The following CTDSPL variants were observed in gnomAD, a reference collection of about 807,000 sequenced individuals.
CTDSPL encodes CTD small phosphatase-like protein.
Under a neutral mutation model 30.5 loss-of-function variants are expected in CTDSPL, and 8 were observed. The ratio of observed to expected loss-of-function variants is 0.26; its 90% CI spans 0.15 to 0.47. The LOEUF is 0.47. CTDSPL is among the 20% of genes least tolerant of loss of function. The probability of loss-of-function intolerance (pLI) is 0.99; values close to 1 mark genes in which losing one functional copy is unlikely to be tolerated. For missense variants in CTDSPL, 248 were observed against 366.1 expected (o/e 0.68, Z 2.63); for synonymous variants, 110 against 137.9 (o/e 0.80, Z 1.42).
rs868342419 is a variant in CTDSPL, at chr3:37,945,950, G to A, written c.80-1107G>A. Among the ~76,000 whole-genome samples the A allele has an allele frequency of 5.9e-5, 9 of 152,226 alleles. No individual in the cohort carries two copies. In the South Asian group the frequency reaches 6.2e-4, roughly 10 times the overall value. ...GAACTAGGTGTTACACAAATCACTC[G>A]TAAGTGCACAAAAAGAGGAATTGTG... is the stretch of plus-strand genomic sequence containing the variant. On this transcript the variant is annotated intron_variant, in intron 1 of 7. Transcript: ENST00000273179.
intron 1 of CTDSPL, among the ~76,000 whole-genome samples, chr3:37,880,250 A>G (rs1417676193): frequency 6.6e-6 from 1 of 152,006 alleles, no homozygotes; most frequent in Admixed American, 6.6e-5. Flanking sequence ...CTTGCTTGTG[A>G]TGTAGTTATG....
intron 4 of CTDSPL, among the ~76,000 whole-genome samples, chr3:37,966,921 T>C (rs1390972211): frequency 6.6e-6 from 1 of 152,216 alleles, no homozygotes; most frequent in Admixed American, 6.5e-5. Flanking sequence ...CAGTTGGGCC[T>C]GTTCATTTAA....
At chr3:37,915,921 T>C (rs1559632635) in intron 1 of CTDSPL, among the ~76,000 whole-genome samples, 1 of 152,254 alleles carries the variant, frequency 6.6e-6, no homozygotes, top group Non-Finnish European at 1.5e-5. Context: ...GGAGAATTTA[T>C]ACTTGTCTCT....
At position 37,975,301 on chromosome 3, in the gene CTDSPL, A is replaced by G. The variant is rs953168838; in HGVS notation, c.520-408A>G. The stretch of plus-strand genomic sequence containing the variant: ...GACAGTGGAGAGTTTTCAGCAGAGG[A>G]GTGACATGATGGCACATATGTTTTC... On this transcript the variant is annotated intron_variant, in intron 6 of 7. Coordinates refer to ENST00000273179, the MANE Select transcript of CTDSPL (RefSeq NM_001008392.2). This position sits in a 1 kb window ranked among gnomAD's most constrained non-coding sequence, Gnocchi z 4.9. 1.3e-5 allele frequency among the ~76,000 whole-genome samples: 2 copies of G among 152,116 alleles called. No individual in the cohort carries two copies. The highest frequency in any genetic ancestry group is 4.8e-5 in the African/African-American group (2 of 41,420).
intron 1 of CTDSPL, among the ~76,000 whole-genome samples, chr3:37,868,942 T>A (rs1322260801): frequency 6.6e-6 from 1 of 152,114 alleles, no homozygotes; most frequent in Non-Finnish European, 1.5e-5. Context: ...TCTACAAATA[T>A]CTTCCTGAGA....
intron 1 of CTDSPL, among the ~76,000 whole-genome samples, chr3:37,926,872 C>T (rs1023232679): frequency 1.3e-5 from 2 of 152,142 alleles, no homozygotes; most frequent in African/African-American, 4.8e-5. Context: ...GGAAAGATAT[C>T]CCACAGGACG....
intron 6 of CTDSPL, among the ~76,000 whole-genome samples, chr3:37,972,816 A>C (rs1277410961): frequency 6.6e-6 from 1 of 152,238 alleles, no homozygotes; most frequent in Non-Finnish European, 1.5e-5. Context: ...GTAGCACCAC[A>C]GTTGTCTCCA....
chr3:37,980,765 T>G lies in CTDSPL; in HGVS notation c.729T>G (p.Asp243Glu), dbSNP rs1386395542. The change falls in exon 8 of 8, where the codon GAT (aspartate) becomes GAG (glutamate). Residue 243 changes from aspartate to glutamate, a missense_variant. By Grantham distance (45) the Asp-to-Glu change is conservative. Transcript: ENST00000273179. ...ENAVPVQSWF[D>E]DMTDTELLDL... ...AGGTGCCTGTGCAGTCCTGGTTCGA[T>G]GACATGACGGACACGGAGCTGCTGG... is the stretch of plus-strand genomic sequence containing the variant. The G allele has an allele frequency of 6.2e-7, 1 of 1,614,210 alleles. No homozygotes were observed. Among genetic ancestry groups the G allele is most frequent in the Non-Finnish European group, 8.5e-7 (1 of 1,180,016 alleles).
At chr3:37,926,634 T>A (rs1698784685) in intron 1 of CTDSPL, among the ~76,000 whole-genome samples, 1 of 152,356 alleles carries the variant, frequency 6.6e-6, no homozygotes, top group East Asian at 1.9e-4. Context: ...CTTACTACTT[T>A]AACAAATCAT....
chr3:37,949,186 A>G (rs1195090997), intron 2 of CTDSPL, among the ~76,000 whole-genome samples: 2 of 152,210 alleles, frequency 1.3e-5, no homozygotes, highest in Non-Finnish European at 2.9e-5. Flanking sequence ...ATGGAGTGGT[A>G]GGAGGGAGGA....
At chr3:37,979,629 T>G (rs1165185224) in intron 7 of CTDSPL, among the ~76,000 whole-genome samples, 2 of 151,998 alleles carry the variant, frequency 1.3e-5, no homozygotes, top group Non-Finnish European at 2.9e-5. Context: ...CCAAGCGTGG[T>G]GCCACATGCC....
At chr3:37,944,643 A>C (rs549814624) in intron 1 of CTDSPL, 8 of 150,420 alleles carry the variant, frequency 5.3e-5, no homozygotes, top group African/African-American at 1.9e-4. Context: ...GTTCTAGACC[A>C]ATCCAAGAGT....
At chr3:37,883,919 A>T (rs1365850576) in intron 1 of CTDSPL, among the ~76,000 whole-genome samples, 1 of 152,212 alleles carries the variant, frequency 6.6e-6, no homozygotes, top group Non-Finnish European at 1.5e-5. Flanking sequence ...TAGAATCTAT[A>T]ACAGTGTCTT....
chr3:37,935,336 G>C (rs1299791322), intron 1 of CTDSPL, among the ~76,000 whole-genome samples: 1 of 149,072 alleles, frequency 6.7e-6, no homozygotes, highest in East Asian at 1.9e-4. Flanking sequence ...AAAAAAAAAC[G>C]GGGCCTTGTT....
chr3:37,923,385 A>G (rs1350884492), intron 1 of CTDSPL, among the ~76,000 whole-genome samples: 1 of 152,214 alleles, frequency 6.6e-6, no homozygotes, highest in Non-Finnish European at 1.5e-5. Context: ...ATCCCAACTG[A>G]TAGTTCAAAT....
At chr3:37,965,694 G>A (rs1699292405) in intron 4 of CTDSPL, among the ~76,000 whole-genome samples, 1 of 152,174 alleles carries the variant, frequency 6.6e-6, no homozygotes, top group Admixed American at 6.5e-5. Context: ...GCTGTCAAAT[G>A]TGCCCAAACA....
At chr3:37,968,063 G>T (rs1699319400) in intron 5 of CTDSPL, among the ~76,000 whole-genome samples, 181 bp downstream of exon 5, 1 of 152,028 alleles carries the variant, frequency 6.6e-6, no homozygotes, top group Non-Finnish European at 1.5e-5. Context: ...TTTATACTGA[G>T]ATTATAAGGA....
intron 4 of CTDSPL, among the ~76,000 whole-genome samples, chr3:37,966,098 A>T (rs748383036): frequency 3.9e-5 from 6 of 152,194 alleles, no homozygotes. Context: ...GTGGGAGTGT[A>T]GGCAACACTG....
chr3:37,952,440 C>G (rs1044248669), intron 2 of CTDSPL, among the ~76,000 whole-genome samples: 7 of 152,124 alleles, frequency 4.6e-5, no homozygotes, highest in African/African-American at 1.7e-4. Flanking sequence ...TTTATGATCT[C>G]AAAGTCGCAA....
Sources: gnomAD v4.1 joint callset for allele counts (sites outside exome capture counted in the v4.1 genomes callset) on GRCh38, gnomAD v4.1.1 for gene constraint, Gnocchi (gnomAD v3.1) non-coding constraint, MANE v1.5 for transcripts, NCBI Gene and HGNC (gene_info 2026-07-23, HGNC 2026-07-21) for gene names.